Variants in VSNL1 observed in about 807,000 individuals in gnomAD.
The protein encoded by VSNL1 is visinin like 1, also known as visinin-like protein 1.
A neutral mutation model predicts 20.4 loss-of-function variants in VSNL1; 6 were observed. The observed-to-expected ratio is 0.29, with a 90% CI of 0.16 to 0.58. The LOEUF (loss-of-function observed/expected upper bound fraction) is 0.58. VSNL1 is among the 20% of genes least tolerant of loss of function. The pLI, the probability that VSNL1 is intolerant of heterozygous loss-of-function variation, is 0.90. For synonymous variants in VSNL1, 93 were observed against 86.4 expected (o/e 1.08, Z -0.42); for missense variants, 100 against 234.5 (o/e 0.43, Z 3.75).
chr2:17,633,368 A>G (rs1376396131), intron 2 of VSNL1, among the ~76,000 whole-genome samples: 2 of 151,058 alleles, frequency 1.3e-5, no homozygotes, highest in East Asian at 3.9e-4. Flanking sequence ...AAAAAAAAAA[A>G]AAAAGCTGGG....
rs533822352 is a variant in VSNL1, at chr2:17,549,563, G to A, written c.-6+8645G>A. 1.4e-4 allele frequency among the ~76,000 whole-genome samples: 22 copies of A among 152,272 alleles called. No homozygotes were observed. The East Asian group carries it at 3.7e-3, about 25-fold the overall frequency. On this transcript the variant is annotated intron_variant, in intron 1 of 3. Transcript: ENST00000295156. ...GAAATTTCTTCATTCTAGATCAAGT[G>A]CATAATTGAAAGGGAGGATGGTTTA... is the stretch of plus-strand genomic sequence containing the variant.
At chr2:17,568,437 T>C (rs917552829) in intron 1 of VSNL1, among the ~76,000 whole-genome samples, 9 of 152,172 alleles carry the variant, frequency 5.9e-5, no homozygotes, top group African/African-American at 1.7e-4. Flanking sequence ...CAGACAAGTA[T>C]ATACATATTT....
At chr2:17,556,749 G>T (rs2103344124) in intron 1 of VSNL1, among the ~76,000 whole-genome samples, 1 of 152,230 alleles carries the variant, frequency 6.6e-6, no homozygotes, top group African/African-American at 2.4e-5. Flanking sequence ...ATTATTTTCA[G>T]AGCCCAGTTC....
intron 1 of VSNL1, among the ~76,000 whole-genome samples, chr2:17,549,635 A>G (rs1663480938): frequency 1.3e-5 from 2 of 152,196 alleles, no homozygotes; most frequent in Non-Finnish European, 2.9e-5. Flanking sequence ...ATATATCTTT[A>G]CAGAAACAAA....
intron 1 of VSNL1, among the ~76,000 whole-genome samples, chr2:17,578,929 C>T (rs527774792): frequency 2.6e-5 from 4 of 152,298 alleles, no homozygotes; most frequent in Admixed American, 6.5e-5. Flanking sequence ...GCTTCCAAAA[C>T]CCTAAGAAGG....
intron 2 of VSNL1, among the ~76,000 whole-genome samples, chr2:17,599,193 C>T (rs78536306): frequency 0.012 from 1,885 of 152,260 alleles, 12 homozygotes; most frequent in Non-Finnish European, 0.016. Context: ...GAACAGCTAT[C>T]ACACTGGGTT....
chr2:17,632,364 A>G (rs988580351), intron 2 of VSNL1, among the ~76,000 whole-genome samples: 5 of 150,740 alleles, frequency 3.3e-5, no homozygotes, highest in Admixed American at 6.6e-5. Flanking sequence ...GCAGTGGCGC[A>G]ATCTCAGCTC....
intron 2 of VSNL1, among the ~76,000 whole-genome samples, chr2:17,619,298 G>A (rs1265661432): frequency 6.6e-6 from 1 of 152,172 alleles, no homozygotes; most frequent in African/African-American, 2.4e-5. Flanking sequence ...CCCACATGGT[G>A]GAGGCCTGGG....
intron 2 of VSNL1, among the ~76,000 whole-genome samples, chr2:17,625,614 C>T (rs903420106): frequency 2.0e-5 from 3 of 152,184 alleles, no homozygotes; most frequent in African/African-American, 7.2e-5. Context: ...GTTCAGTGCT[C>T]TCCTTCCCTC....
At chr2:17,578,365 G>A (rs1212815019) in intron 1 of VSNL1, among the ~76,000 whole-genome samples, 1 of 152,196 alleles carries the variant, frequency 6.6e-6, no homozygotes, top group Admixed American at 6.5e-5. Context: ...AGGTAAATGT[G>A]AGGTTCAAAC....
intron 1 of VSNL1, among the ~76,000 whole-genome samples, chr2:17,579,553 C>A (rs1405218476): frequency 6.6e-6 from 1 of 152,296 alleles, no homozygotes; most frequent in Middle Eastern, 3.4e-3. Flanking sequence ...AATGACCTGG[C>A]AAATTCGTTG....
At chr2:17,613,909 A>G (rs1171425686) in intron 2 of VSNL1, among the ~76,000 whole-genome samples, 1 of 152,258 alleles carries the variant, frequency 6.6e-6, no homozygotes, top group African/African-American at 2.4e-5. Flanking sequence ...AGAGCCCCCA[A>G]GTCAAGAGGA....
At chr2:17,608,099 G>T (rs1664989789) in intron 2 of VSNL1, among the ~76,000 whole-genome samples, 1 of 152,164 alleles carries the variant, frequency 6.6e-6, no homozygotes, top group African/African-American at 2.4e-5. Context: ...GTATGAAAAG[G>T]CTATCTGATG....
At chr2:17,604,603 G>A (rs1664902272) in intron 2 of VSNL1, among the ~76,000 whole-genome samples, 1 of 152,256 alleles carries the variant, frequency 6.6e-6, no homozygotes, top group African/African-American at 2.4e-5. Flanking sequence ...GTAACACGGT[G>A]TTCCCGTGAG....
chr2:17,606,151 G>A (rs1043419426), intron 2 of VSNL1, among the ~76,000 whole-genome samples: 10 of 152,230 alleles, frequency 6.6e-5, no homozygotes, highest in Admixed American at 6.5e-4. Flanking sequence ...ACCTGGTAGA[G>A]AGAGCCTTGA....
Position 17,649,714 on chromosome 2 carries a change from C to A in VSNL1, c.378+89C>A. The A allele has an allele frequency of 2.4e-6, 3 of 1,265,704 alleles. No homozygotes were observed. Among genetic ancestry groups the A allele is most frequent in the Non-Finnish European group, 3.4e-6 (3 of 890,286 alleles). 78.4% of individuals were successfully genotyped at this position (1,265,704 alleles called of 1,614,324 possible). On this transcript the variant is annotated intron_variant, in intron 3 of 3. Coordinates refer to ENST00000295156, the MANE Select transcript of VSNL1 (RefSeq NM_003385.5). This position sits in a 1 kb window ranked among gnomAD's most constrained non-coding sequence, Gnocchi z 6.4. ...GGTGCAGGCCTTAGTGGCTTCTTCT[C>A]TCTCTGCTCGAGCCCTGCCAGCTGC...
chr2:17,565,331 T>A (rs1278766172), intron 1 of VSNL1, among the ~76,000 whole-genome samples: 1 of 152,216 alleles, frequency 6.6e-6, no homozygotes, highest in Non-Finnish European at 1.5e-5. Context: ...AAGTTATGAA[T>A]ATTAATGCCT....
intron 1 of VSNL1, among the ~76,000 whole-genome samples, chr2:17,568,083 TA>T (rs1347564993): frequency 5.9e-5 from 9 of 152,340 alleles, no homozygotes; most frequent in Non-Finnish European, 1.2e-4. Flanking sequence ...TCTATCTTCT[TA>T]TATTATATTT....
intron 2 of VSNL1, among the ~76,000 whole-genome samples, chr2:17,609,879 C>T (rs1230095481): frequency 6.6e-6 from 1 of 152,246 alleles, no homozygotes; most frequent in African/African-American, 2.4e-5. Flanking sequence ...CAACCCCCCA[C>T]TGCCATCATC....
Sources: allele counts gnomAD v4.1 joint callset (sites outside exome capture counted in the v4.1 genomes callset), GRCh38; gene constraint gnomAD v4.1.1; non-coding constraint Gnocchi (gnomAD v3.1); transcripts MANE v1.5; gene names NCBI Gene and HGNC (gene_info 2026-07-23, HGNC 2026-07-21).